Variants in ERC1 observed in about 807,000 individuals in gnomAD.
ERC1 encodes the protein RAB6 interacting protein 2.
Under a neutral mutation model 132.0 loss-of-function variants are expected in ERC1, and 56 were observed. The observed-to-expected ratio is 0.42, with a 90% CI of 0.34 to 0.53. The LOEUF (loss-of-function observed/expected upper bound fraction) is 0.53. ERC1 is among the 20% of genes least tolerant of loss of function. ERC1 has a pLI of 0.03. For missense variants in ERC1, 1,202 were observed against 1,349.9 expected, an observed-to-expected ratio of 0.89 and a Z score of 1.72; for synonymous variants, 478 against 476.1, an observed-to-expected ratio of 1.00 and a Z score of -0.05.
In ERC1 at chr12:1,470,255, T is replaced by C. The variant is rs538257705; in HGVS notation, c.3214-19838T>C. On this transcript the variant is annotated intron_variant, in intron 18 of 18. Transcript: ENST00000360905. ...TGCAACCCTGGACGTAGAGGGTGCA[T>C]TGAGCACGTGCCACTGTGGCTGGGG... 5.9e-5 allele frequency among the ~76,000 whole-genome samples: 9 copies of C among 151,966 alleles called. No homozygotes were observed. In the South Asian group the frequency reaches 8.4e-4, roughly 14 times the overall value.
intron 17 of ERC1, among the ~76,000 whole-genome samples, chr12:1,425,329 A>C (rs990397922): frequency 6.6e-6 from 1 of 152,220 alleles, no homozygotes; most frequent in African/African-American, 2.4e-5. Context: ...TTCCTGTTAG[A>C]GTGGATGGTG....
chr12:1,187,616 T>C (rs1955249538), intron 11 of ERC1, among the ~76,000 whole-genome samples: 1 of 152,292 alleles, frequency 6.6e-6, no homozygotes, highest in South Asian at 2.1e-4. Context: ...CTTGCACTTA[T>C]ATTTAATTAC....
chr12:1,287,271 A>T (rs2079098184), intron 14 of ERC1, among the ~76,000 whole-genome samples: 1 of 152,244 alleles, frequency 6.6e-6, no homozygotes. Context: ...TTAAGGACTA[A>T]ACATGAAAAG....
intron 14 of ERC1, among the ~76,000 whole-genome samples, chr12:1,287,858 G>A (rs562788829): frequency 6.6e-6 from 1 of 152,102 alleles, no homozygotes; most frequent in East Asian, 1.9e-4. Context: ...TATACACTCT[G>A]TTTCTCTGGA....
intron 15 of ERC1, among the ~76,000 whole-genome samples, chr12:1,308,834 G>C (rs2081074248): frequency 6.6e-6 from 1 of 152,126 alleles, no homozygotes; most frequent in Non-Finnish European, 1.5e-5. Flanking sequence ...GGTCTGAATG[G>C]TTATGTCCCC....
At chr12:1,111,314 G>T (rs532876830) in intron 5 of ERC1, among the ~76,000 whole-genome samples, 4 of 152,250 alleles carry the variant, frequency 2.6e-5, no homozygotes, top group Admixed American at 6.5e-5. Flanking sequence ...CAGTTTTGTT[G>T]TGGTTTCATT....
At chr12:1,042,228 G>A (rs777774176) in intron 2 of ERC1, among the ~76,000 whole-genome samples, 12 of 152,050 alleles carry the variant, frequency 7.9e-5, no homozygotes, top group Admixed American at 1.3e-4. Context: ...TAGTAGAGAC[G>A]GGGTTTCACC....
intron 13 of ERC1, among the ~76,000 whole-genome samples, chr12:1,255,038 C>A (rs1425182648): frequency 6.6e-6 from 1 of 151,582 alleles, no homozygotes; most frequent in Non-Finnish European, 1.5e-5. Flanking sequence ...TGAGTTGCTG[C>A]ACCCATCAAC....
At chr12:1,093,614 C>G (rs1943532699) in intron 3 of ERC1, among the ~76,000 whole-genome samples, 2 of 152,072 alleles carry the variant, frequency 1.3e-5, no homozygotes, top group South Asian at 4.1e-4. Context: ...TAATAAAATA[C>G]AACTTTGTTT....
intron 1 of ERC1, among the ~76,000 whole-genome samples, chr12:1,017,612 C>T (rs1443389255): frequency 6.6e-6 from 1 of 151,128 alleles, no homozygotes; most frequent in African/African-American, 2.4e-5. Flanking sequence ...GATTCTCATG[C>T]CTCAGCCTCC....
At chr12:1,196,969 TA>T in intron 12 of ERC1, among the ~76,000 whole-genome samples, 2 of 78,412 alleles carry the variant, frequency 2.6e-5, no homozygotes, top group South Asian at 7.5e-4. Flanking sequence ...CACATATATA[TA>T]TATATATTTT....
chr12:1,128,218 G>T (rs1260460226), intron 7 of ERC1, among the ~76,000 whole-genome samples: 1 of 152,224 alleles, frequency 6.6e-6, no homozygotes, highest in East Asian at 1.9e-4. Context: ...CAAATGGAGT[G>T]ATCAGACCCT....
chr12:1,484,260 G>A (rs376099210), intron 18 of ERC1, among the ~76,000 whole-genome samples: 124 of 151,218 alleles, frequency 8.2e-4, no homozygotes, highest in Admixed American at 1.2e-3. Context: ...AGCCGAGATC[G>A]CACCACTGCA....
intron 1 of ERC1, among the ~76,000 whole-genome samples, chr12:999,602 C>T (rs1961734634): frequency 7.5e-6 from 1 of 132,552 alleles, no homozygotes; most frequent in South Asian, 2.3e-4. Flanking sequence ...GAACCTGGTG[C>T]TAGGTGATTT....
intron 17 of ERC1, among the ~76,000 whole-genome samples, chr12:1,440,488 G>C (rs1032603300): frequency 7.5e-5 from 11 of 146,948 alleles, no homozygotes; most frequent in African/African-American, 1.3e-4. Context: ...TTACAGGTGT[G>C]AGCCACCGCG....
At chr12:1,092,077 C>T (rs1593227730) in intron 3 of ERC1, among the ~76,000 whole-genome samples, 1 of 151,222 alleles carries the variant, frequency 6.6e-6, no homozygotes, top group Non-Finnish European at 1.5e-5. Flanking sequence ...CGGCTCACTG[C>T]AACCTGCGCC....
intron 15 of ERC1, among the ~76,000 whole-genome samples, chr12:1,309,091 T>C (rs1594908943): frequency 6.6e-6 from 1 of 152,242 alleles, no homozygotes; most frequent in African/African-American, 2.4e-5. Flanking sequence ...TTTTAGGCTT[T>C]CCAGCCTCTG....
intron 18 of ERC1, among the ~76,000 whole-genome samples, chr12:1,481,243 A>G (rs1311640574): frequency 6.6e-6 from 1 of 151,922 alleles, no homozygotes; most frequent in Admixed American, 6.5e-5. Flanking sequence ...GTATTTTAGT[A>G]TAAGGAGGTT....
At chr12:1,350,911 G>C (rs751680155) in intron 15 of ERC1, among the ~76,000 whole-genome samples, 3 of 152,122 alleles carry the variant, frequency 2.0e-5, no homozygotes, top group Non-Finnish European at 2.9e-5. Context: ...GTCCATCCTG[G>C]CTTTATCACA....
Sources: gnomAD v4.1 joint callset for allele counts (sites outside exome capture counted in the v4.1 genomes callset) on GRCh38, gnomAD v4.1.1 for gene constraint, MANE v1.5 for transcripts, NCBI Gene and HGNC (gene_info 2026-07-23, HGNC 2026-07-21) for gene names.